Variants in ATP8A2 observed in about 807,000 individuals in gnomAD.
ATP8A2 encodes ATPase phospholipid transporting 8A2, also known as phospholipid-transporting ATPase IB.
Under a neutral mutation model 165.6 loss-of-function variants are expected in ATP8A2, and 100 were observed. The ratio of observed to expected loss-of-function variants is 0.60; its 90% CI spans 0.51 to 0.71. ATP8A2 has a LOEUF of 0.71. Ranked by LOEUF, ATP8A2 falls within the 30% of genes least tolerant of loss-of-function variation. The pLI is 0.00. For missense variants in ATP8A2, 1,227 were observed against 1,479.5 expected, an observed-to-expected ratio of 0.83 and a Z score of 2.80; for synonymous variants, 543 against 548.8, an observed-to-expected ratio of 0.99 and a Z score of 0.15.
At chr13:25,706,887 C>T (rs1313619550) in intron 25 of ATP8A2, among the ~76,000 whole-genome samples, 1 of 152,164 alleles carries the variant, frequency 6.6e-6, no homozygotes, top group East Asian at 1.9e-4. Flanking sequence ...TTAAATTTAA[C>T]TCTAACATGA....
intron 27 of ATP8A2, among the ~76,000 whole-genome samples, chr13:25,817,438 G>A (rs570637488): frequency 6.6e-6 from 1 of 151,468 alleles, no homozygotes; most frequent in African/African-American, 2.4e-5. Context: ...ATTTTATAAC[G>A]CTGAGAAATG....
chr13:25,374,709 A>G (rs1270711388), intron 1 of ATP8A2, among the ~76,000 whole-genome samples: 1 of 152,126 alleles, frequency 6.6e-6, no homozygotes, highest in Admixed American at 6.5e-5. Context: ...GGAGGCTCTG[A>G]GATGGGGCCT....
intron 27 of ATP8A2, among the ~76,000 whole-genome samples, chr13:25,808,112 T>G (rs1328321627): frequency 1.3e-5 from 2 of 150,884 alleles, no homozygotes; most frequent in Non-Finnish European, 2.9e-5. Flanking sequence ...AAGTTCAAAC[T>G]GGCTTTTTTG....
intron 1 of ATP8A2, among the ~76,000 whole-genome samples, chr13:25,399,290 G>A (rs974458453): frequency 1.3e-5 from 2 of 151,612 alleles, no homozygotes; most frequent in Non-Finnish European, 2.9e-5. Flanking sequence ...CCAAGAATTC[G>A]CATTTCTCAC....
At chr13:25,411,921 G>T in intron 1 of ATP8A2, among the ~76,000 whole-genome samples, 1 of 152,128 alleles carries the variant, frequency 6.6e-6, no homozygotes, top group Middle Eastern at 3.2e-3. Context: ...AAATCTTCCT[G>T]CCCAAACTCT....
Position 25,791,219 on chromosome 13 carries a change from A to G in ATP8A2, c.2679+16260A>G, listed in dbSNP as rs141149085. Among the ~76,000 whole-genome samples the G allele has an allele frequency of 2.0e-5, 3 of 152,272 alleles. No individual in the cohort carries two copies. In the East Asian group the frequency reaches 5.8e-4, roughly 29 times the overall value. ...ACTATGCAGCCATAAAGAGAACGAGATCATGTCCTTTGCAAGACCATGGAT... is the reference window on the plus strand; with the variant it reads ...ACTATGCAGCCATAAAGAGAACGAGGTCATGTCCTTTGCAAGACCATGGAT... On this transcript the variant is annotated intron_variant, in intron 27 of 36. Coordinates refer to ENST00000381655, the MANE Select transcript of ATP8A2 (RefSeq NM_016529.6).
At chr13:25,967,001 G>C (rs138618654) in intron 34 of ATP8A2, among the ~76,000 whole-genome samples, 1 of 152,242 alleles carries the variant, frequency 6.6e-6, no homozygotes, top group East Asian at 1.9e-4. Context: ...GCTGTTCTAG[G>C]ACCCATGCAA....
At chr13:25,915,859 A>G (rs1954255757) in intron 33 of ATP8A2, among the ~76,000 whole-genome samples, 2 of 152,228 alleles carry the variant, frequency 1.3e-5, no homozygotes, top group Non-Finnish European at 2.9e-5. Context: ...AATGAACTCT[A>G]AGGTTTCCTT....
chr13:25,884,350 T>C (rs1953076450), intron 33 of ATP8A2, among the ~76,000 whole-genome samples: 1 of 152,120 alleles, frequency 6.6e-6, no homozygotes, highest in African/African-American at 2.4e-5. Flanking sequence ...CGGGACCTCA[T>C]TCCCTGCCAC....
intron 1 of ATP8A2, among the ~76,000 whole-genome samples, chr13:25,410,207 T>C (rs2033927527): frequency 6.6e-6 from 1 of 151,972 alleles, no homozygotes; most frequent in Non-Finnish European, 1.5e-5. Context: ...CAGTCCGTAG[T>C]GGTTTTTTTT....
chr13:25,373,322 G>A (rs528234362), intron 1 of ATP8A2, among the ~76,000 whole-genome samples: 13 of 152,282 alleles, frequency 8.5e-5, no homozygotes, highest in Admixed American at 6.5e-4. Context: ...GTTGAGTAAC[G>A]TGAGAGGGAA....
chr13:25,713,098 T>G (rs1421140106), intron 25 of ATP8A2, among the ~76,000 whole-genome samples: 1 of 152,328 alleles, frequency 6.6e-6, no homozygotes, highest in East Asian at 1.9e-4. Context: ...ATAGTGCTCA[T>G]TGTATAGAAT....
chr13:25,600,441 A>G (rs1410232891), intron 24 of ATP8A2, among the ~76,000 whole-genome samples: 1 of 152,228 alleles, frequency 6.6e-6, no homozygotes, highest in Non-Finnish European at 1.5e-5. Context: ...AACAGCTGGC[A>G]CAGAAATGAA....
At chr13:25,875,297 CTT>C (rs1267211057) in intron 33 of ATP8A2, among the ~76,000 whole-genome samples, 1 of 149,422 alleles carries the variant, frequency 6.7e-6, no homozygotes, top group Non-Finnish European at 1.5e-5. Context: ...TTCATATCAG[CTT>C]CTCTCTGTAA....
At chr13:25,709,031 G>GT (rs201063848) in intron 25 of ATP8A2, among the ~76,000 whole-genome samples, 2,811 of 152,278 alleles carry the variant, frequency 0.018, 41 homozygotes, top group Non-Finnish European at 0.03. Context: ...TTGTTAACCA[G>GT]TTAACTGAGC....
At chr13:25,665,133 G>T (rs1029705684) in intron 24 of ATP8A2, among the ~76,000 whole-genome samples, 1 of 152,162 alleles carries the variant, frequency 6.6e-6, no homozygotes, top group Non-Finnish European at 1.5e-5. Context: ...GGAGGTCCCC[G>T]TGCACAGTGT....
chr13:25,768,461 C>T (rs1021562277), intron 25 of ATP8A2, among the ~76,000 whole-genome samples: 4 of 152,102 alleles, frequency 2.6e-5, no homozygotes, highest in African/African-American at 4.8e-5. Context: ...TGACTCCCAT[C>T]CTAGATCCTC....
intron 1 of ATP8A2, among the ~76,000 whole-genome samples, chr13:25,398,648 C>T (rs2138004025): frequency 6.6e-6 from 1 of 152,338 alleles, no homozygotes; most frequent in East Asian, 1.9e-4. Context: ...ACTACATGCC[C>T]TGTACTAAAA....
chr13:25,902,293 C>A (rs976409413), intron 33 of ATP8A2, among the ~76,000 whole-genome samples: 3 of 152,130 alleles, frequency 2.0e-5, no homozygotes, highest in Non-Finnish European at 4.4e-5. Context: ...TTAACTCTTA[C>A]AGTGAAGCTT....
Sources: gnomAD v4.1 joint callset for allele counts (sites outside exome capture counted in the v4.1 genomes callset) on GRCh38, gnomAD v4.1.1 for gene constraint, MANE v1.5 for transcripts, NCBI Gene and HGNC (gene_info 2026-07-23, HGNC 2026-07-21) for gene names.